ZNF148: variants seen among roughly 807,000 people sequenced by gnomAD.
The protein encoded by ZNF148 is zinc finger protein 148.
A neutral mutation model predicts 67.7 loss-of-function variants in ZNF148; 7 were observed. The ratio of observed to expected loss-of-function variants is 0.10; its 90% confidence interval spans 0.06 to 0.19. ZNF148 has a LOEUF of 0.19. ZNF148 is among the 10% of genes least tolerant of loss of function. The pLI, the probability that ZNF148 is intolerant of heterozygous loss-of-function variation, is 1.00. For synonymous variants in ZNF148, 333 were observed against 330.7 expected (o/e 1.01, Z -0.08); for missense variants, 583 against 947.1 (o/e 0.62, Z 5.05).
chr3:125,307,934 C>T (rs956895491), intron 4 of ZNF148, among the ~76,000 whole-genome samples: 1 of 151,774 alleles, frequency 6.6e-6, no homozygotes, highest in African/African-American at 2.4e-5. Context: ...AGATTACAGG[C>T]ATTAGCCACT....
At chr3:125,269,621 GA>G (rs957587830) in intron 7 of ZNF148, among the ~76,000 whole-genome samples, 3 of 150,904 alleles carry the variant, frequency 2.0e-5, no homozygotes, top group African/African-American at 4.9e-5. Flanking sequence ...ATACCCAAAG[GA>G]AAAAAAAATT....
intron 1 of ZNF148, among the ~76,000 whole-genome samples, chr3:125,345,643 G>C (rs1161492314): frequency 1.3e-5 from 2 of 151,900 alleles, no homozygotes; most frequent in Non-Finnish European, 2.9e-5. Context: ...GTATGAAACA[G>C]AACATCAGTA....
chr3:125,323,886 G>A (rs1026939395), intron 2 of ZNF148, among the ~76,000 whole-genome samples: 2 of 151,844 alleles, frequency 1.3e-5, no homozygotes, highest in Non-Finnish European at 2.9e-5. Context: ...GTGAACCCAG[G>A]AGGCAGAGCT....
chr3:125,325,636 T>C (rs2107699113), intron 2 of ZNF148, among the ~76,000 whole-genome samples: 1 of 152,182 alleles, frequency 6.6e-6, no homozygotes, highest in South Asian at 2.1e-4. Flanking sequence ...TGGCTAATTT[T>C]TGTATTTTTG....
chr3:125,331,576 T>C (rs575129046), intron 1 of ZNF148, among the ~76,000 whole-genome samples: 32 of 152,304 alleles, frequency 2.1e-4, no homozygotes, highest in Non-Finnish European at 4.0e-4. Context: ...AGCACAAATG[T>C]GTTTCACTAA....
chr3:125,305,675 T>C (rs1002951202), intron 4 of ZNF148, among the ~76,000 whole-genome samples: 2 of 151,382 alleles, frequency 1.3e-5, no homozygotes, highest in African/African-American at 4.9e-5. Context: ...AAGCCTGGCA[T>C]GGTGGTGTGT....
chr3:125,300,956 A>C (rs1458891021), intron 4 of ZNF148, among the ~76,000 whole-genome samples: 1 of 54,894 alleles, frequency 1.8e-5, no homozygotes, highest in Admixed American at 1.3e-4. Context: ...GATAAGCCAA[A>C]TAGTTTTTTT....
chr3:125,297,390 A>T (rs1333704099), intron 4 of ZNF148, among the ~76,000 whole-genome samples: 1 of 152,162 alleles, frequency 6.6e-6, no homozygotes, highest in Non-Finnish European at 1.5e-5. Context: ...ACAGGCAAAA[A>T]TTTCTTAAGA....
chr3:125,277,654 A>T, intron 7 of ZNF148, 72 bp downstream of exon 7: 1 of 1,320,710 alleles, frequency 7.6e-7, no homozygotes. Context: ...AGTCACTGCC[A>T]CTTATTAAAA....
chr3:125,241,262 C>T (rs577720217), intron 7 of ZNF148, among the ~76,000 whole-genome samples: 1 of 151,586 alleles, frequency 6.6e-6, no homozygotes, highest in African/African-American at 2.4e-5. Context: ...AAGGTAACTA[C>T]ATTTATTTGT....
intron 3 of ZNF148, among the ~76,000 whole-genome samples, 157 bp from the exon 4 acceptor site, chr3:125,313,813 G>A (rs933301941): frequency 5.9e-5 from 9 of 151,806 alleles, no homozygotes; most frequent in East Asian, 5.8e-4. Flanking sequence ...TACCAATATC[G>A]GTTTCCAAAG....
At chr3:125,313,196 A>G in intron 4 of ZNF148, 112 bp downstream of exon 4, 1 of 800,646 alleles carries the variant, frequency 1.2e-6, no homozygotes, top group African/African-American at 1.7e-5. Flanking sequence ...ATATCTATTC[A>G]AGAACACTAT....
intron 7 of ZNF148, among the ~76,000 whole-genome samples, chr3:125,235,333 T>C (rs992115165): frequency 2.0e-5 from 3 of 152,210 alleles, no homozygotes; most frequent in African/African-American, 4.8e-5. Context: ...TCTATTCTGA[T>C]TTACTTTTAC....
chr3:125,262,503 T>C (rs1436311773), intron 7 of ZNF148, among the ~76,000 whole-genome samples: 1 of 152,208 alleles, frequency 6.6e-6, no homozygotes, highest in Non-Finnish European at 1.5e-5. Context: ...GATTCAATAT[T>C]AGGTGCTGTC....
At chr3:125,301,932 C>T (rs186062576) in intron 4 of ZNF148, among the ~76,000 whole-genome samples, 3 of 152,092 alleles carry the variant, frequency 2.0e-5, no homozygotes, top group East Asian at 1.9e-4. Context: ...GGCATGGTGG[C>T]GGGCATCTGG....
intron 1 of ZNF148, among the ~76,000 whole-genome samples, chr3:125,360,758 C>G (rs1248008829): frequency 1.3e-5 from 2 of 150,450 alleles, no homozygotes; most frequent in African/African-American, 4.9e-5. Context: ...GAGGGAAGAT[C>G]GCTTGAGACC....
At chr3:125,291,494 G>T (rs1256780152) in intron 4 of ZNF148, among the ~76,000 whole-genome samples, 1 of 151,998 alleles carries the variant, frequency 6.6e-6, no homozygotes, top group Non-Finnish European at 1.5e-5. Context: ...TCAAATTTTG[G>T]TATTCTCACT....
intron 1 of ZNF148, among the ~76,000 whole-genome samples, chr3:125,362,702 G>A (rs570722107): frequency 7.2e-5 from 11 of 151,950 alleles, no homozygotes; most frequent in East Asian, 1.9e-4. Flanking sequence ...CTACAAGTGC[G>A]CGCCACCACA....
intron 1 of ZNF148, among the ~76,000 whole-genome samples, chr3:125,349,767 G>C (rs955435325): frequency 2.0e-5 from 3 of 152,184 alleles, no homozygotes; most frequent in South Asian, 2.1e-4. Flanking sequence ...CTTGAGTCCA[G>C]GAGTTTGAGG....
Sources: gnomAD v4.1 joint callset for allele counts (sites outside exome capture counted in the v4.1 genomes callset) on GRCh38, gnomAD v4.1.1 for gene constraint, MANE v1.5 for transcripts, NCBI Gene and HGNC (gene_info 2026-07-23, HGNC 2026-07-21) for gene names.